SUPT3H: variants seen among roughly 807,000 people sequenced by gnomAD.
The protein encoded by SUPT3H is transcription initiation protein SPT3 homolog.
In SUPT3H, 44 loss-of-function variants were observed where a neutral mutation model predicts 44.3. The ratio of observed to expected loss-of-function variants is 0.99; its 90% CI spans 0.78 to 1.28. The LOEUF (loss-of-function observed/expected upper bound fraction) is 1.28, where lower values mean the gene tolerates loss of function less well. Ranked by LOEUF, SUPT3H falls within the 50% of genes most tolerant of loss-of-function variation. The probability of loss-of-function intolerance (pLI) is 0.00; values close to 1 mark genes in which losing one functional copy is unlikely to be tolerated. For synonymous variants in SUPT3H, 124 were observed against 125.6 expected, an observed-to-expected ratio of 0.99 and a Z score of 0.09; for missense variants, 380 against 387.1, an observed-to-expected ratio of 0.98 and a Z score of 0.15.
chr6:45,060,034 G>A (rs986721989), intron 3 of SUPT3H, among the ~76,000 whole-genome samples: 1 of 151,838 alleles, frequency 6.6e-6, no homozygotes, highest in South Asian at 2.1e-4. Context: ...AGTAATTTAT[G>A]AATTCAATGC....
rs1780147526 is a variant in SUPT3H at position 45,290,523 on chromosome 6, T to A, written c.101+74678A>T. Among the ~76,000 whole-genome samples, 5 of 151,870 alleles carry A rather than the reference T, an allele frequency of 3.3e-5. No homozygotes were observed. In the South Asian group the frequency reaches 1.0e-3, roughly 32 times the overall value. Reference sequence around the variant, plus strand: ...AGAGAAATCTAGCATTTATTTTGTATTTACTCTTCTGGGCACTGTTTTAAC... The same window carrying A: ...AGAGAAATCTAGCATTTATTTTGTAATTACTCTTCTGGGCACTGTTTTAAC... On this transcript the variant is annotated intron_variant, in intron 2 of 10. Transcript: ENST00000371459.
chr6:44,920,049 T>C (rs1298334109), intron 10 of SUPT3H, among the ~76,000 whole-genome samples: 1 of 151,990 alleles, frequency 6.6e-6, no homozygotes, highest in Non-Finnish European at 1.5e-5. Context: ...CGGCTAATTT[T>C]TTGTATTTTT....
intron 2 of SUPT3H, among the ~76,000 whole-genome samples, chr6:45,311,328 A>G (rs560968682): frequency 3.9e-5 from 6 of 152,188 alleles, no homozygotes; most frequent in Non-Finnish European, 5.9e-5. Flanking sequence ...TTACTAACAG[A>G]CCTAAGAATA....
At chr6:44,960,306 T>C (rs780825645) in intron 7 of SUPT3H, among the ~76,000 whole-genome samples, 21 of 144,792 alleles carry the variant, frequency 1.5e-4, no homozygotes, top group Non-Finnish European at 2.6e-4. Context: ...ACTCAGGAGG[T>C]TGAGGCAAGG....
intron 10 of SUPT3H, among the ~76,000 whole-genome samples, chr6:44,897,699 C>A (rs1764316063): frequency 6.6e-6 from 1 of 152,170 alleles, no homozygotes; most frequent in East Asian, 1.9e-4. Context: ...ATGCAGTGTG[C>A]TGGTTCCTGG....
At chr6:45,150,573 C>T (rs1806766208) in intron 2 of SUPT3H, among the ~76,000 whole-genome samples, 1 of 152,040 alleles carries the variant, frequency 6.6e-6, no homozygotes, top group Admixed American at 6.6e-5. Context: ...GCATGGGACA[C>T]CATGCCTTAT....
At chr6:45,198,771 G>A (rs1478085271) in intron 2 of SUPT3H, among the ~76,000 whole-genome samples, 1 of 143,582 alleles carries the variant, frequency 7.0e-6, no homozygotes, top group Non-Finnish European at 1.5e-5. Flanking sequence ...ACTACCTGAA[G>A]TTACATTTGG....
intron 5 of SUPT3H, 74 bp from the exon 6 acceptor site, chr6:45,003,866 T>C: frequency 1.4e-6 from 2 of 1,470,650 alleles, no homozygotes; most frequent in East Asian, 2.3e-5. Context: ...ATTACATGTA[T>C]TAAATATAGT....
intron 3 of SUPT3H, among the ~76,000 whole-genome samples, chr6:45,088,811 T>C (rs866202886): frequency 6.6e-6 from 1 of 152,052 alleles, no homozygotes; most frequent in Non-Finnish European, 1.5e-5. Flanking sequence ...ACAGCTGTCA[T>C]GGTAGATTTG....
intron 2 of SUPT3H, among the ~76,000 whole-genome samples, chr6:45,271,639 G>C (rs1283469201): frequency 1.3e-5 from 2 of 152,186 alleles, no homozygotes; most frequent in African/African-American, 2.4e-5. Context: ...CTCAGGCAAT[G>C]TGAAAGGAAA....
chr6:45,088,494 T>C (rs541241690), intron 3 of SUPT3H, among the ~76,000 whole-genome samples: 54 of 152,144 alleles, frequency 3.5e-4, no homozygotes, highest in Non-Finnish European at 6.5e-4. Context: ...ATAATGCCTA[T>C]GATGTAGGTA....
chr6:45,120,417 T>TAAAAAAAAA (rs71687494), intron 2 of SUPT3H, among the ~76,000 whole-genome samples: 32 of 50,508 alleles, frequency 6.3e-4, no homozygotes, highest in South Asian at 9.3e-4. Context: ...AGACCTTGTC[T>TAAAAAAAAA]AAAAAAAAAA....
At chr6:45,192,712 ACT>A (rs760525481) in intron 2 of SUPT3H, among the ~76,000 whole-genome samples, 3 of 152,150 alleles carry the variant, frequency 2.0e-5, no homozygotes, top group Non-Finnish European at 2.9e-5. Context: ...AAAGTGGTTA[ACT>A]CTGAGAATAA....
At chr6:45,194,084 G>A (rs984168216) in intron 2 of SUPT3H, among the ~76,000 whole-genome samples, 4 of 152,004 alleles carry the variant, frequency 2.6e-5, no homozygotes, top group South Asian at 2.1e-4. Flanking sequence ...TTATTAGCAG[G>A]CCTTTACACG....
At chr6:45,129,259 T>A (rs1055224006) in intron 2 of SUPT3H, among the ~76,000 whole-genome samples, 1 of 152,202 alleles carries the variant, frequency 6.6e-6, no homozygotes, top group Admixed American at 6.5e-5. Flanking sequence ...TTATGAAAAG[T>A]GCTATGTAAA....
At chr6:44,953,218 C>T (rs923138344) in intron 9 of SUPT3H, 92 bp downstream of exon 9, 77 of 950,696 alleles carry the variant, frequency 8.1e-5, no homozygotes, top group Admixed American at 1.2e-4. Context: ...TTATACACTC[C>T]TGCATAATCT....
rs182911734 is a variant in SUPT3H at position 45,280,915 on chromosome 6, C to T, written c.101+84286G>A. Reference sequence around the variant, plus strand: ...AAAATGGTTGAGTAATTGCCATTAACATCTGTAATGTCCATAAAAAACATA... The same window carrying T: ...AAAATGGTTGAGTAATTGCCATTAATATCTGTAATGTCCATAAAAAACATA... On this transcript the variant is annotated intron_variant, in intron 2 of 10. Coordinates refer to ENST00000371459, the MANE Select transcript of SUPT3H (RefSeq NM_003599.4). Among the ~76,000 whole-genome samples the T allele has an allele frequency of 2.1e-3, 325 of 152,218 alleles. 2 individuals are homozygous for T. The highest frequency in any genetic ancestry group is 7.7e-3 in the Admixed American group (118 of 15,288).
At chr6:45,052,388 T>C (rs906842576) in intron 3 of SUPT3H, among the ~76,000 whole-genome samples, 3 of 152,200 alleles carry the variant, frequency 2.0e-5, no homozygotes, top group African/African-American at 7.2e-5. Flanking sequence ...CTAAGGACTG[T>C]TGCAGATACA....
At chr6:45,011,668 C>A (rs547168932) in intron 5 of SUPT3H, among the ~76,000 whole-genome samples, 1 of 152,110 alleles carries the variant, frequency 6.6e-6, no homozygotes, top group East Asian at 1.9e-4. Flanking sequence ...AGGAAATATA[C>A]AATTATACTA....
Sources: allele counts gnomAD v4.1 joint callset (sites outside exome capture counted in the v4.1 genomes callset), GRCh38; gene constraint gnomAD v4.1.1; transcripts MANE v1.5; gene names NCBI Gene and HGNC (gene_info 2026-07-23, HGNC 2026-07-21).